Variants in ERBB4 observed in about 807,000 individuals in gnomAD.
ERBB4 encodes the protein receptor tyrosine-protein kinase erbB-4.
A neutral mutation model predicts 158.0 loss-of-function variants in ERBB4; 42 were observed. The ratio of observed to expected loss-of-function variants is 0.27; its 90% CI spans 0.21 to 0.34. The LOEUF (loss-of-function observed/expected upper bound fraction) is 0.34. Among genes scored for constraint, ERBB4 ranks in the 10% least tolerant of loss-of-function variants. ERBB4 has a pLI of 1.00. For missense variants in ERBB4, 1,333 were observed against 1,624.1 expected (o/e 0.82, Z 3.08); for synonymous variants, 583 against 558.7 (o/e 1.04, Z -0.61).
At chr2:211,826,485 A>G (rs951157339) in intron 3 of ERBB4, among the ~76,000 whole-genome samples, 6 of 151,820 alleles carry the variant, frequency 4.0e-5, no homozygotes, top group African/African-American at 1.4e-4. Context: ...CTCTTATACT[A>G]TATTATTTAT....
rs1160593539 is a variant in ERBB4 at position 212,142,602 on chromosome 2, A to G, written c.83-17699T>C. On this transcript the variant is annotated intron_variant, in intron 1 of 27. Coordinates refer to ENST00000342788, the MANE Select transcript of ERBB4 (RefSeq NM_005235.3). Reference sequence around the variant, plus strand: ...AAGGACACATTATATATATATATATAATATTAAAATATATATATAATATAT... The same window carrying G: ...AAGGACACATTATATATATATATATGATATTAAAATATATATATAATATAT... 6.8e-5 allele frequency among the ~76,000 whole-genome samples: 10 copies of G among 146,978 alleles called. 1 individual carries two copies. The East Asian group carries it at 1.2e-3, about 17-fold the overall frequency.
intron 1 of ERBB4, among the ~76,000 whole-genome samples, chr2:212,166,993 A>C (rs2081365399): frequency 6.6e-6 from 1 of 152,172 alleles, no homozygotes; most frequent in African/African-American, 2.4e-5. Flanking sequence ...AAAACCCTAG[A>C]AGAAAACCTT....
At position 212,124,903 on chromosome 2, in the gene ERBB4, A is replaced by G; in HGVS notation, c.83T>C (p.Val28Ala). 6.2e-7 allele frequency: 1 copy of G among 1,614,106 alleles called. No homozygotes were observed. Among genetic ancestry groups the G allele is most frequent in the Non-Finnish European group, 8.5e-7 (1 of 1,179,978 alleles). The change falls in exon 2 of 28, where the codon GTG (valine) becomes GCG (alanine). Residue 28 changes from valine to alanine, a missense_variant and splice_region_variant. By Grantham distance (64) the Val-to-Ala change is moderately conservative (BLOSUM62 0). Around this residue, in one of 5 missense-constraint regions of ERBB4, gnomAD observed 438 missense variants for 586.9 expected, o/e 0.75. Transcript: ENST00000342788. The stretch of plus-strand genomic sequence containing the variant: ...CAGTTTATTCTCCGTTCCTGCACAC[A>G]CTGCAAAGACAAGAAGATACACGTG... The part of the protein sequence containing the change: ...GTVQPSDSQS[V>A]CAGTENKLSS...
intron 25 of ERBB4, among the ~76,000 whole-genome samples, chr2:211,401,160 C>G (rs2063032564): frequency 6.6e-6 from 1 of 151,882 alleles, no homozygotes; most frequent in Non-Finnish European, 1.5e-5. Context: ...ACTCTCAGAG[C>G]CCTCACCACT....
chr2:212,197,500 G>A (rs975348181), intron 1 of ERBB4, among the ~76,000 whole-genome samples: 4 of 152,060 alleles, frequency 2.6e-5, no homozygotes, highest in Admixed American at 1.3e-4. Flanking sequence ...GGAAACTGAG[G>A]CTTAACTCTC....
At chr2:212,082,354 T>C (rs1193214585) in intron 2 of ERBB4, among the ~76,000 whole-genome samples, 1 of 152,062 alleles carries the variant, frequency 6.6e-6, no homozygotes, top group Non-Finnish European at 1.5e-5. Flanking sequence ...AGATTTTTAT[T>C]TGCTTGTTAA....
At chr2:211,617,441 G>T (rs1184015245) in intron 19 of ERBB4, among the ~76,000 whole-genome samples, 3 of 152,024 alleles carry the variant, frequency 2.0e-5, no homozygotes, top group African/African-American at 4.8e-5. Flanking sequence ...TATGAGCCAG[G>T]ACATGTAGCA....
chr2:211,451,628 G>A (rs2064249625), intron 20 of ERBB4, among the ~76,000 whole-genome samples: 1 of 152,044 alleles, frequency 6.6e-6, no homozygotes. Flanking sequence ...GGGAGGAAAG[G>A]GGAAATAGAA....
chr2:211,964,452 C>T (rs2125183616), intron 2 of ERBB4, among the ~76,000 whole-genome samples: 1 of 152,250 alleles, frequency 6.6e-6, no homozygotes, highest in South Asian at 2.1e-4. Context: ...GTTTTAAGTT[C>T]ATGAACTACA....
chr2:212,441,270 CT>C (rs1189078693), intron 1 of ERBB4, among the ~76,000 whole-genome samples: 1 of 152,220 alleles, frequency 6.6e-6, no homozygotes, highest in Non-Finnish European at 1.5e-5. Context: ...CTGTCATCAG[CT>C]TTTCCATCTT....
chr2:211,421,116 G>C (rs1398741013), intron 24 of ERBB4, among the ~76,000 whole-genome samples: 1 of 151,898 alleles, frequency 6.6e-6, no homozygotes, highest in Non-Finnish European at 1.5e-5. Flanking sequence ...ATAGAGTAAA[G>C]GAGTATGAGA....
rs925165074 is a variant in ERBB4, at chr2:211,994,966, T to C, written c.235-47350A>G. ...ACTTCAAGCTATTAAGGCCTGACAT[T>C]CTGGGAATTCTCTGATGTGGGTGTT... On this transcript the variant is annotated intron_variant, in intron 2 of 27. Coordinates refer to ENST00000342788, the MANE Select transcript of ERBB4 (RefSeq NM_005235.3). 5.9e-5 allele frequency among the ~76,000 whole-genome samples: 9 copies of C among 152,182 alleles called. No homozygotes were observed. In the East Asian group the frequency reaches 1.7e-3, roughly 29 times the overall value.
At chr2:211,742,380 T>C (rs914803149) in intron 5 of ERBB4, among the ~76,000 whole-genome samples, 18 of 152,226 alleles carry the variant, frequency 1.2e-4, no homozygotes, top group Non-Finnish European at 2.5e-4. Context: ...CAGGAAACTG[T>C]TGAAAATTTC....
At chr2:212,298,779 T>C (rs2086512814) in intron 1 of ERBB4, among the ~76,000 whole-genome samples, 1 of 151,762 alleles carries the variant, frequency 6.6e-6, no homozygotes, top group Non-Finnish European at 1.5e-5. Context: ...GCAAAATGAT[T>C]TTTTTGTTGA....
intron 1 of ERBB4, among the ~76,000 whole-genome samples, chr2:212,369,067 G>A (rs1438898780): frequency 6.6e-6 from 1 of 152,044 alleles, no homozygotes; most frequent in Non-Finnish European, 1.5e-5. Context: ...TAAAACAAAG[G>A]TTGCAAAAAG....
chr2:211,632,100 T>A (rs2070160611), intron 16 of ERBB4, among the ~76,000 whole-genome samples: 1 of 152,030 alleles, frequency 6.6e-6, no homozygotes, highest in Admixed American at 6.6e-5. Context: ...AGGTAGTTCA[T>A]CCTAAAGGTT....
intron 12 of ERBB4, among the ~76,000 whole-genome samples, chr2:211,701,124 G>C (rs1213089563): frequency 6.6e-6 from 1 of 151,962 alleles, no homozygotes; most frequent in African/African-American, 2.4e-5. Flanking sequence ...TCAATAAGTA[G>C]CAAAATAGAT....
At chr2:211,857,022 T>C (rs1470087098) in intron 3 of ERBB4, among the ~76,000 whole-genome samples, 3 of 152,176 alleles carry the variant, frequency 2.0e-5, no homozygotes, top group Admixed American at 6.5e-5. Flanking sequence ...TATGTTATAA[T>C]ATTTCAGCTT....
chr2:212,463,572 CTTTA>C (rs1209152248), intron 1 of ERBB4, among the ~76,000 whole-genome samples: 1 of 151,798 alleles, frequency 6.6e-6, no homozygotes, highest in Admixed American at 6.6e-5. Flanking sequence ...ACATGTTAAA[CTTTA>C]TTTATACCTG....
Sources: gnomAD v4.1 joint callset for allele counts (sites outside exome capture counted in the v4.1 genomes callset) on GRCh38, gnomAD v4.1.1 for gene constraint, gnomAD v4.1.1 regional missense constraint, MANE v1.5 for transcripts, NCBI Gene and HGNC (gene_info 2026-07-23, HGNC 2026-07-21) for gene names.